PYROXD2: variants seen among roughly 807,000 people sequenced by gnomAD.
PYROXD2 encodes the protein pyridine nucleotide-disulfide oxidoreductase domain-containing protein 2.
A neutral mutation model predicts 71.1 loss-of-function variants in PYROXD2; 69 were observed. The observed-to-expected ratio is 0.97, with a 90% CI of 0.80 to 1.19. PYROXD2 has a LOEUF of 1.19. Among genes scored for constraint, PYROXD2 ranks in the 50% most tolerant of loss-of-function variants. The pLI, the probability that PYROXD2 is intolerant of heterozygous loss-of-function variation, is 0.00. For missense variants in PYROXD2, 745 were observed against 748.9 expected, an observed-to-expected ratio of 0.99 and a Z score of 0.06; for synonymous variants, 287 against 302.7, an observed-to-expected ratio of 0.95 and a Z score of 0.54.
At chr10:98,407,313 G>A (rs1029795631) in intron 4 of PYROXD2, among the ~76,000 whole-genome samples, 22 of 152,218 alleles carry the variant, frequency 1.4e-4, no homozygotes, top group African/African-American at 4.8e-4. Flanking sequence ...GGTGTCCCAC[G>A]TGGGCCTGAG....
Position 98,400,091 on chromosome 10 carries a change from G to T in PYROXD2, c.471+11C>A, listed in dbSNP as rs371242982. On this transcript the variant is annotated intron_variant, in intron 5 of 15. Coordinates refer to ENST00000370575, the MANE Select transcript of PYROXD2 (RefSeq NM_032709.3). ...GGGAGCAGGAGCTCAGTCACTGGTC[G>T]CCTTCCCTACCTGGGCATCCTTCTG... The T allele has an allele frequency of 6.2e-7, 1 of 1,610,972 alleles. No individual in the cohort carries two copies. The highest frequency in any genetic ancestry group is 1.7e-5 in the Admixed American group (1 of 59,816).
chr10:98,395,091 G>A, intron 8 of PYROXD2, 105 bp downstream of exon 8: 1 of 956,466 alleles, frequency 1.0e-6, no homozygotes. Flanking sequence ...CACTGGGTGA[G>A]CTCTGTTAAG....
intron 5 of PYROXD2, among the ~76,000 whole-genome samples, chr10:98,399,296 G>A (rs573076462): frequency 6.6e-6 from 1 of 152,174 alleles, no homozygotes; most frequent in Non-Finnish European, 1.5e-5. Context: ...CACAACAAAA[G>A]CAATGTACAT....
intron 13 of PYROXD2, chr10:98,388,102 T>C: frequency 2.0e-6 from 1 of 489,928 alleles, no homozygotes; most frequent in Non-Finnish European, 3.7e-6. Context: ...AAAAGGTTTC[T>C]TAATTAGTCT....
chr10:98,392,803 C>A (rs60153449), intron 9 of PYROXD2, 139 bp downstream of exon 9: 62,823 of 1,149,692 alleles, frequency 0.055, 1,975 homozygotes, highest in East Asian at 0.11. Flanking sequence ...GACTGCATGA[C>A]CTTAATCTCT....
In PYROXD2 at chr10:98,392,482, C is replaced by T. The variant is rs751807361; in HGVS notation, c.1012G>A (p.Val338Met). Residue 338 changes from valine (V) to methionine (M), a missense_variant, in exon 10 of 16, where the codon GTG becomes ATG. Physicochemically the swap from Val to Met is conservative, Grantham distance 21. Coordinates refer to ENST00000370575, the MANE Select transcript of PYROXD2 (RefSeq NM_032709.3). ...ATCTGCGGTGATGTGTTGGACAGCA[C>T]CATTTTGCTTCTCACCTCTGTGCCA... ...EDGTEVRSKM[V>M]LSNTSPQITF... 73 of 1,613,808 alleles carry T rather than the reference C, an allele frequency of 4.5e-5. No homozygotes were observed. Among genetic ancestry groups the T allele is most frequent in the Non-Finnish European group, 5.9e-5 (70 of 1,180,048 alleles).
chr10:98,412,396 A>T (rs1173468094), intron 1 of PYROXD2, among the ~76,000 whole-genome samples: 1 of 152,108 alleles, frequency 6.6e-6, no homozygotes, highest in Non-Finnish European at 1.5e-5. Context: ...GCCCCATAGC[A>T]GGCGCCTGGG....
In PYROXD2 at chr10:98,385,055, AG is replaced by A; in HGVS notation, c.1566del (p.Cys523AlafsTer40). On this transcript the variant is annotated frameshift_variant, in exon 15 of 16. Coordinates refer to ENST00000370575, the MANE Select transcript of PYROXD2 (RefSeq NM_032709.3). LOFTEE classifies it high-confidence loss of function. Reference protein sequence around the residue: ...IFGLPGGNIFHCAMSLDQLYF... With the variant: ...IFGLPGGNIFXCAMSLDQLYF... ...TAGAGCTGGTCCAGGGACATGGCGC[AG>A]TGGAATATGTTCTGCAGAGGCAGGG... The A allele has an allele frequency of 1.2e-6, 2 of 1,613,858 alleles. No homozygotes were observed. The highest frequency in any genetic ancestry group is 1.7e-6 in the Non-Finnish European group (2 of 1,179,918).
chr10:98,400,461 C>T (rs1014714279), intron 4 of PYROXD2, among the ~76,000 whole-genome samples: 1 of 152,108 alleles, frequency 6.6e-6, no homozygotes, highest in Admixed American at 6.5e-5. Flanking sequence ...TGTATCACAT[C>T]GCAGTACACT....
At chr10:98,414,801 C>T in intron 1 of PYROXD2, 1 of 654,676 alleles carries the variant, frequency 1.5e-6, no homozygotes, top group South Asian at 2.6e-5. Context: ...CCAGGCCACA[C>T]AGCAGAGCCA....
rs1335694996 is a variant in PYROXD2 at position 98,385,505 on chromosome 10, G to A, written c.1555-438C>T. The stretch of plus-strand genomic sequence containing the variant: ...CTGTGAATGGCAGACAAGGGGCAAC[G>A]GAGCCCGAGCACGGTTCTGCCCCCC... On this transcript the variant is annotated intron_variant, in intron 14 of 15. Transcript: ENST00000370575. Among the ~76,000 whole-genome samples, 9 of 152,340 alleles carry A rather than the reference G, an allele frequency of 5.9e-5. No homozygotes were observed. In the South Asian group the frequency reaches 6.2e-4, roughly 11 times the overall value.
intron 13 of PYROXD2, chr10:98,388,152 G>T (rs1842817951): frequency 1.7e-6 from 1 of 591,218 alleles, no homozygotes. Context: ...TGGAGGGCAG[G>T]AACTGTGTCT....
intron 4 of PYROXD2, among the ~76,000 whole-genome samples, chr10:98,404,531 G>A (rs539366000): frequency 3.9e-5 from 6 of 152,096 alleles, no homozygotes; most frequent in South Asian, 4.2e-4. Context: ...AGATTTGTTC[G>A]GATTATGAAG....
chr10:98,401,274 A>AAAAAAC (rs1346918539), intron 4 of PYROXD2, among the ~76,000 whole-genome samples: 15 of 65,376 alleles, frequency 2.3e-4, no homozygotes, highest in African/African-American at 1.4e-3. Flanking sequence ...AAACAAAAAA[A>AAAAAAC]AACAAACATA....
chr10:98,406,221 AG>A (rs1257751449), intron 4 of PYROXD2, among the ~76,000 whole-genome samples: 1 of 152,224 alleles, frequency 6.6e-6, no homozygotes, highest in Non-Finnish European at 1.5e-5. Flanking sequence ...TTCTAGTTCA[AG>A]GAACACTATG....
At position 98,390,763 on chromosome 10, in the gene PYROXD2, C is replaced by T. The variant is rs147371890; in HGVS notation, c.1136-9G>A. ...CAGCCTGTCTACGGCCACTGAGGGA[C>T]CAAAGAGGAGGGTCAGGTCTTAGCC... is the stretch of plus-strand genomic sequence containing the variant. On this transcript the variant is annotated splice_polypyrimidine_tract_variant and intron_variant, in intron 11 of 15. Coordinates refer to ENST00000370575, the MANE Select transcript of PYROXD2 (RefSeq NM_032709.3). 51 of 1,576,216 alleles carry T rather than the reference C, an allele frequency of 3.2e-5. No homozygotes were observed. The highest frequency in any genetic ancestry group is 5.4e-5 in the African/African-American group (4 of 74,332).
In PYROXD2 at chr10:98,390,751, G is replaced by A. The variant is rs1842920667; in HGVS notation, c.1139C>T (p.Ala380Val). Residue 380 changes from alanine to valine, a missense_variant, in exon 12 of 16, where the codon GCC (alanine) becomes GTC (valine). Coordinates refer to ENST00000370575, the MANE Select transcript of PYROXD2 (RefSeq NM_032709.3). ...CAGGAAGCTGGGCAGCCTGTCTACG[G>A]CCACTGAGGGACCAAAGAGGAGGGT... ...TRSPVTKINV[A>V]VDRLPSFLAA... The A allele has an allele frequency of 6.3e-7, 1 of 1,587,626 alleles. No homozygotes were observed. Among genetic ancestry groups the A allele is most frequent in the Admixed American group, 1.8e-5 (1 of 56,526 alleles).
At chr10:98,409,236 C>T (rs898464204) in intron 2 of PYROXD2, among the ~76,000 whole-genome samples, 1 of 150,882 alleles carries the variant, frequency 6.6e-6, no homozygotes, top group Non-Finnish European at 1.5e-5. Context: ...ACCGAACACC[C>T]CTCTTGGCTG....
chr10:98,389,400 T>C (rs951912623), intron 12 of PYROXD2, among the ~76,000 whole-genome samples: 1 of 152,198 alleles, frequency 6.6e-6, no homozygotes, highest in African/African-American at 2.4e-5. Flanking sequence ...CAGTAACCCA[T>C]TGCAACAGAT....
Sources: allele counts gnomAD v4.1 joint callset (sites outside exome capture counted in the v4.1 genomes callset), GRCh38; gene constraint gnomAD v4.1.1; transcripts MANE v1.5; gene names NCBI Gene and HGNC (gene_info 2026-07-23, HGNC 2026-07-21).